The following RNF115 variants were observed in gnomAD, a reference collection of about 807,000 sequenced individuals.
RNF115 encodes the protein ring finger protein 115, also known as E3 ubiquitin-protein ligase RNF115.
RNF115 carries 31 observed loss-of-function variants against 39.2 expected under a neutral mutation model. The ratio of observed to expected loss-of-function variants is 0.79; its 90% CI spans 0.59 to 1.07. The LOEUF (loss-of-function observed/expected upper bound fraction) is 1.07. RNF115 is among the 50% of genes least tolerant of loss of function. The pLI, the probability that RNF115 is intolerant of heterozygous loss-of-function variation, is 0.00. For missense variants in RNF115, 384 were observed against 381.7 expected (o/e 1.01, Z -0.05); for synonymous variants, 124 against 131.0 (o/e 0.95, Z 0.37).
chr1:145,774,054 T>C (rs1457096115), intron 3 of RNF115, among the ~76,000 whole-genome samples: 1 of 152,190 alleles, frequency 6.6e-6, no homozygotes, highest in African/African-American at 2.4e-5. Flanking sequence ...AAGTATTTGC[T>C]TGGCTGCTGT....
intron 2 of RNF115, among the ~76,000 whole-genome samples, chr1:145,787,587 A>AG (rs1220371764): frequency 6.7e-6 from 1 of 149,566 alleles, no homozygotes; most frequent in African/African-American, 2.5e-5. Context: ...AAAAAAAAAA[A>AG]AAAAGAAAAA....
chr1:145,773,785 T>C (rs1352342756), intron 3 of RNF115: 1 of 151,762 alleles, frequency 6.6e-6, no homozygotes, highest in African/African-American at 2.4e-5. Context: ...TCTTATTGTT[T>C]GCCCTGTTTT....
rs60257682 is a variant in RNF115 at position 145,752,585 on chromosome 1, C to CTTT, written c.500+390_500+392dup. Among the ~76,000 whole-genome samples, 37 of 83,760 alleles carry CTTT rather than the reference C, an allele frequency of 4.4e-4. 4 individuals are homozygous for CTTT. Among genetic ancestry groups the CTTT allele is most frequent in the African/African-American group, 1.4e-3 (25 of 17,418 alleles). The allele number at this position is 83,760 out of a possible 152,430, so 54.9% of individuals were successfully genotyped here. ...CATCTACATACTCACCTATGCAGCTCTTTTTTTTTTTTTTTTTTTTTGAGA... is the reference window on the plus strand; with the variant it reads ...CATCTACATACTCACCTATGCAGCTCTTTTTTTTTTTTTTTTTTTTTTTTGAGA... On this transcript the variant is annotated intron_variant, in intron 5 of 8. Coordinates refer to ENST00000582693, the MANE Select transcript of RNF115 (RefSeq NM_014455.4).
chr1:145,782,056 C>T (rs1199501988), intron 3 of RNF115, among the ~76,000 whole-genome samples: 1 of 152,006 alleles, frequency 6.6e-6, no homozygotes, highest in Non-Finnish European at 1.5e-5. Flanking sequence ...GCGCCCACCA[C>T]CATGCCTGGC....
At chr1:145,820,213 C>G (rs2101617373) in intron 1 of RNF115, among the ~76,000 whole-genome samples, 1 of 149,720 alleles carries the variant, frequency 6.7e-6, no homozygotes, top group South Asian at 2.2e-4. Flanking sequence ...GCCTGTAACC[C>G]CAGCACTTTG....
chr1:145,784,412 G>A (rs1368608481), intron 3 of RNF115, 127 bp downstream of exon 3: 3 of 824,470 alleles, frequency 3.6e-6, no homozygotes, highest in South Asian at 1.5e-5. Flanking sequence ...GGGTTACTAC[G>A]GCCCACATTT....
intron 1 of RNF115, among the ~76,000 whole-genome samples, chr1:145,798,429 C>T (rs1649081665): frequency 6.6e-6 from 1 of 152,060 alleles, no homozygotes; most frequent in Non-Finnish European, 1.5e-5. Context: ...AGAGACTGTC[C>T]TTGCTCCACA....
intron 4 of RNF115, among the ~76,000 whole-genome samples, chr1:145,756,831 CTTTTTTTTTTTT>C (rs142073195): frequency 7.4e-5 from 5 of 67,830 alleles, no homozygotes; most frequent in African/African-American, 1.3e-4. Context: ...TTTCTAGCTT[CTTTTTTTTTTTT>C]TTTTTTTTTT....
chr1:145,807,619 T>C (rs1315627375), intron 1 of RNF115, among the ~76,000 whole-genome samples: 1 of 152,194 alleles, frequency 6.6e-6, no homozygotes, highest in East Asian at 1.9e-4. Context: ...TTTTGGTACA[T>C]GCATATCAAG....
intron 2 of RNF115, chr1:145,787,148 A>T (rs920072838): frequency 5.2e-6 from 3 of 578,574 alleles, no homozygotes; most frequent in Non-Finnish European, 8.8e-6. Flanking sequence ...CAGATTACAG[A>T]TTCTTTTTGA....
chr1:145,811,371 A>G (rs1224300581), intron 1 of RNF115, among the ~76,000 whole-genome samples: 8 of 135,524 alleles, frequency 5.9e-5, no homozygotes, highest in South Asian at 4.2e-4. Context: ...AAAAAAAAAA[A>G]AAAAGAAAAA....
In RNF115 at chr1:145,823,889, C is replaced by G. The variant is rs587729160; in HGVS notation, c.-16G>C. ...CCTCCGCCATTTTTGCCCTCCGCCGCGGCCGTCCGAGAGGGCAGCCGGCCC... is the reference window on the plus strand; with the variant it reads ...CCTCCGCCATTTTTGCCCTCCGCCGGGGCCGTCCGAGAGGGCAGCCGGCCC... On this transcript the variant is annotated 5_prime_UTR_variant, in exon 1 of 9. Coordinates refer to ENST00000582693, the MANE Select transcript of RNF115 (RefSeq NM_014455.4). The G allele has an allele frequency of 6.6e-7, 1 of 1,512,496 alleles. No individual in the cohort carries two copies. Among genetic ancestry groups the G allele is most frequent in the African/African-American group, 1.4e-5 (1 of 69,510 alleles). The allele number at this position is 1,512,496 out of a possible 1,614,324, so 93.7% of individuals were successfully genotyped here.
At chr1:145,819,506 G>A (rs1461972895) in intron 1 of RNF115, among the ~76,000 whole-genome samples, 2 of 151,912 alleles carry the variant, frequency 1.3e-5, no homozygotes, top group African/African-American at 2.4e-5. Flanking sequence ...TGGACCAGAC[G>A]GACTCACAGC....
chr1:145,758,207 T>C (rs1658373228), intron 4 of RNF115, among the ~76,000 whole-genome samples: 1 of 152,158 alleles, frequency 6.6e-6, no homozygotes, highest in African/African-American at 2.4e-5. Flanking sequence ...TTATGGGTTT[T>C]TTTCCTGCTT....
At chr1:145,790,422 G>A (rs1369225880) in intron 1 of RNF115, among the ~76,000 whole-genome samples, 3 of 150,990 alleles carry the variant, frequency 2.0e-5, no homozygotes, top group Non-Finnish European at 4.4e-5. Flanking sequence ...TTATAGGCAT[G>A]AGCCACTGCG....
intron 4 of RNF115, among the ~76,000 whole-genome samples, chr1:145,765,625 T>C (rs939927904): frequency 2.1e-5 from 3 of 141,006 alleles, no homozygotes; most frequent in East Asian, 2.3e-4. Flanking sequence ...ATGAGTTTTA[T>C]AGTCACTGAA....
At chr1:145,765,197 T>G (rs1553714602) in intron 4 of RNF115, among the ~76,000 whole-genome samples, 4 of 152,290 alleles carry the variant, frequency 2.6e-5, no homozygotes, top group African/African-American at 9.6e-5. Context: ...AAGATGTGCT[T>G]TGTTAAACAG....
Position 145,823,852 on chromosome 1 carries a change from C to T in RNF115, c.22G>A (p.Gly8Arg), listed in dbSNP as rs782355818. The change falls in exon 1 of 9, where the codon GGG becomes AGG. Residue 8 changes from glycine (G) to arginine (R), a missense_variant. By Grantham distance (125) the Gly-to-Arg change is moderately radical. Transcript: ENST00000582693. ...GCTACAGCGGCGCCCGAGTCCGCCCCGGCCGCCGAAGCCTCCGCCATTTTT... is the reference window on the plus strand; with the variant it reads ...GCTACAGCGGCGCCCGAGTCCGCCCTGGCCGCCGAAGCCTCCGCCATTTTT... MAEASAA[G>R]ADSGAAVAAH... 1.9e-6 allele frequency: 3 copies of T among 1,562,430 alleles called. No individual in the cohort carries two copies. Among genetic ancestry groups the T allele is most frequent in the Non-Finnish European group, 2.6e-6 (3 of 1,158,514 alleles).
rs1407862039 is a variant in RNF115 at position 145,745,081 on chromosome 1, TGAAGACCAATGAATTAC to T, written c.*1768_*1784del. 2.0e-5 allele frequency: 3 copies of T among 152,212 alleles called. No homozygotes were observed. Among genetic ancestry groups the T allele is most frequent in the Admixed American group, 2.0e-4 (3 of 15,272 alleles). The allele number at this position is 152,212 out of a possible 1,614,324, so 9.4% of individuals were successfully genotyped here. A position where few individuals can be genotyped will look rare whatever the true frequency, so the allele number is the denominator to read the frequency against. On this transcript the variant is annotated 3_prime_UTR_variant, in exon 9 of 9. Coordinates refer to ENST00000582693, the MANE Select transcript of RNF115 (RefSeq NM_014455.4). ...TGTGACAATGTAAAATCTTAACTCCTGAAGACCAATGAATTACCAAAAACAGTGAACTGGCTGCAGAC... is the reference window on the plus strand; with the variant it reads ...TGTGACAATGTAAAATCTTAACTCCTCAAAAACAGTGAACTGGCTGCAGAC...
Sources: gnomAD v4.1 joint callset for allele counts (sites outside exome capture counted in the v4.1 genomes callset) on GRCh38, gnomAD v4.1.1 for gene constraint, MANE v1.5 for transcripts, NCBI Gene and HGNC (gene_info 2026-07-23, HGNC 2026-07-21) for gene names.